The following DPP10 variants were observed in gnomAD, a reference collection of about 807,000 sequenced individuals.
DPP10 encodes inactive dipeptidyl peptidase 10.
Under a neutral mutation model 120.9 loss-of-function variants are expected in DPP10, and 33 were observed. The ratio of observed to expected loss-of-function variants is 0.27; its 90% CI spans 0.21 to 0.37. The LOEUF is 0.37. DPP10 is among the 10% of genes least tolerant of loss of function. The probability of loss-of-function intolerance (pLI) is 1.00; values close to 1 mark genes in which losing one functional copy is unlikely to be tolerated. For synonymous variants in DPP10, 337 were observed against 326.1 expected (o/e 1.03, Z -0.36); for missense variants, 816 against 942.8 (o/e 0.87, Z 1.76).
chr2:114,875,493 T>C (rs1299195973), intron 1 of DPP10, among the ~76,000 whole-genome samples: 1 of 152,114 alleles, frequency 6.6e-6, no homozygotes, highest in Non-Finnish European at 1.5e-5. Context: ...CCTGGGACAG[T>C]GAAAGCTCTG....
intron 1 of DPP10, among the ~76,000 whole-genome samples, chr2:114,938,801 G>C (rs1267476171): frequency 2.1e-5 from 3 of 144,804 alleles, no homozygotes; most frequent in African/African-American, 7.7e-5. Flanking sequence ...TACTTAGTAA[G>C]TAATAGTAAG....
At chr2:114,491,159 C>G (rs1681965084) in intron 1 of DPP10, among the ~76,000 whole-genome samples, 1 of 152,042 alleles carries the variant, frequency 6.6e-6, no homozygotes, top group Admixed American at 6.6e-5. Context: ...TCATGTTTTT[C>G]AATTTAAAAT....
At chr2:115,258,792 G>C (rs1040185) in intron 1 of DPP10, among the ~76,000 whole-genome samples, 61,716 of 152,014 alleles carry the variant, frequency 0.41, 15,323 homozygotes, top group Non-Finnish European at 0.56. Context: ...AGATACTGTG[G>C]AAGCTGAAGT....
chr2:114,610,760 T>C (rs1431076579), intron 1 of DPP10, among the ~76,000 whole-genome samples: 1 of 152,174 alleles, frequency 6.6e-6, no homozygotes, highest in East Asian at 1.9e-4. Flanking sequence ...TCTGTAGTTT[T>C]GGCAGCAGGG....
intron 1 of DPP10, among the ~76,000 whole-genome samples, chr2:114,454,505 G>A (rs1208267300): frequency 6.6e-6 from 1 of 152,140 alleles, no homozygotes; most frequent in East Asian, 1.9e-4. Context: ...CTATTTGAGT[G>A]TCTCCTAACT....
At chr2:115,615,151 GA>G (rs1404195032) in intron 5 of DPP10, among the ~76,000 whole-genome samples, 11 of 145,974 alleles carry the variant, frequency 7.5e-5, no homozygotes, top group South Asian at 2.2e-4. Flanking sequence ...CATTACAGAG[GA>G]AAAAAAAAAG....
intron 5 of DPP10, among the ~76,000 whole-genome samples, chr2:115,635,107 G>A (rs1419597279): frequency 6.6e-6 from 1 of 152,078 alleles, no homozygotes; most frequent in Non-Finnish European, 1.5e-5. Flanking sequence ...AGTGATGGCG[G>A]CCACCCCTCC....
At chr2:114,511,980 G>T (rs886764929) in intron 1 of DPP10, among the ~76,000 whole-genome samples, 7 of 152,096 alleles carry the variant, frequency 4.6e-5, no homozygotes, top group African/African-American at 1.7e-4. Context: ...ACCTTTAAAG[G>T]CAACTATCAA....
intron 5 of DPP10, among the ~76,000 whole-genome samples, chr2:115,561,544 T>G (rs971488375): frequency 1.3e-5 from 2 of 152,228 alleles, no homozygotes; most frequent in Non-Finnish European, 2.9e-5. Context: ...ATTTTCAAAA[T>G]GTACTTTAGC....
chr2:115,065,963 C>T (rs776640727), intron 1 of DPP10, among the ~76,000 whole-genome samples: 12 of 152,134 alleles, frequency 7.9e-5, no homozygotes, highest in Non-Finnish European at 1.3e-4. Flanking sequence ...GAGCTATTGC[C>T]TGCTATCCTG....
At chr2:115,785,525 T>A (rs1272354114) in intron 17 of DPP10, among the ~76,000 whole-genome samples, 1 of 152,174 alleles carries the variant, frequency 6.6e-6, no homozygotes, top group African/African-American at 2.4e-5. Flanking sequence ...TCATTATCGG[T>A]CTGTTCAGGG....
At chr2:115,699,004 C>T (rs1239522542) in intron 7 of DPP10, among the ~76,000 whole-genome samples, 1 of 112,990 alleles carries the variant, frequency 8.9e-6, no homozygotes, top group African/African-American at 3.1e-5. Context: ...AATTGGCAAA[C>T]CTTTAGTTAG....
Position 115,739,979 on chromosome 2 carries a change from T to A in DPP10, c.852+86T>A. 2.0e-6 allele frequency: 3 copies of A among 1,467,444 alleles called. No individual in the cohort carries two copies. In the South Asian group the frequency reaches 3.7e-5, roughly 18 times the overall value. The allele number at this position is 1,467,444 out of a possible 1,614,324, so 90.9% of individuals were successfully genotyped here. Reference sequence around the variant, plus strand: ...ATGGTATTCTTGGTTCTTGAACAAGTTGTCTTTGGAGGAAAACAGAAGTTT... The same window carrying A: ...ATGGTATTCTTGGTTCTTGAACAAGATGTCTTTGGAGGAAAACAGAAGTTT... On this transcript the variant is annotated intron_variant, in intron 9 of 25. Coordinates refer to ENST00000410059, the MANE Select transcript of DPP10 (RefSeq NM_020868.6).
intron 1 of DPP10, among the ~76,000 whole-genome samples, chr2:115,103,377 G>A (rs1573624722): frequency 6.6e-6 from 1 of 151,892 alleles, no homozygotes; most frequent in Non-Finnish European, 1.5e-5. Context: ...TTTAGTACAG[G>A]CGGGGTTTCA....
At chr2:115,567,863 AC>A (rs1363450006) in intron 5 of DPP10, among the ~76,000 whole-genome samples, 3 of 152,212 alleles carry the variant, frequency 2.0e-5, no homozygotes, top group African/African-American at 7.2e-5. Flanking sequence ...GTGTTGTCAT[AC>A]TTTTAAATTT....
At chr2:115,800,641 G>A (rs1267980065) in intron 19 of DPP10, among the ~76,000 whole-genome samples, 1 of 152,110 alleles carries the variant, frequency 6.6e-6, no homozygotes, top group Non-Finnish European at 1.5e-5. Flanking sequence ...TCCAGTTTCA[G>A]CTTTCTACAT....
At chr2:114,512,916 T>C (rs1303827516) in intron 1 of DPP10, among the ~76,000 whole-genome samples, 1 of 152,086 alleles carries the variant, frequency 6.6e-6, no homozygotes, top group East Asian at 1.9e-4. Context: ...AGATTAGAAA[T>C]ATAAATTATG....
intron 1 of DPP10, among the ~76,000 whole-genome samples, chr2:114,890,582 A>T (rs1217100297): frequency 6.6e-6 from 1 of 152,226 alleles, no homozygotes; most frequent in Non-Finnish European, 1.5e-5. Context: ...GACTAGAATT[A>T]GGCCAATTTA....
At chr2:114,710,835 G>T (rs1700982222) in intron 1 of DPP10, among the ~76,000 whole-genome samples, 1 of 152,208 alleles carries the variant, frequency 6.6e-6, no homozygotes, top group African/African-American at 2.4e-5. Flanking sequence ...ATTTAGGTTA[G>T]ACAAGGGAAT....
Sources: gnomAD v4.1 joint callset for allele counts (sites outside exome capture counted in the v4.1 genomes callset) on GRCh38, gnomAD v4.1.1 for gene constraint, MANE v1.5 for transcripts, NCBI Gene and HGNC (gene_info 2026-07-23, HGNC 2026-07-21) for gene names.